The following RAB27B variants were observed in gnomAD, a reference collection of about 807,000 sequenced individuals.
RAB27B encodes ras-related protein Rab-27B.
In RAB27B, 15 loss-of-function variants were observed where a neutral mutation model predicts 24.6. That is an observed-to-expected ratio of 0.61 (90% CI 0.41 to 0.94). The LOEUF (loss-of-function observed/expected upper bound fraction) is 0.94. RAB27B is among the 40% of genes least tolerant of loss of function. RAB27B has a pLI of 0.00. For missense variants in RAB27B, 261 were observed against 266.8 expected (o/e 0.98, Z 0.15); for synonymous variants, 105 against 92.5 (o/e 1.14, Z -0.78).
At chr18:54,805,026 A>T in intron 2 of RAB27B, among the ~76,000 whole-genome samples, 1 of 135,014 alleles carries the variant, frequency 7.4e-6, no homozygotes, top group Non-Finnish European at 1.6e-5. Context: ...TTAATTTTTG[A>T]CTGCTCTCCA....
intron 2 of RAB27B, among the ~76,000 whole-genome samples, chr18:54,799,013 A>G (rs948486659): frequency 6.6e-6 from 1 of 152,210 alleles, no homozygotes; most frequent in Admixed American, 6.5e-5. Context: ...CTTTTATTCA[A>G]ATTTTCTGGC....
chr18:54,881,693 G>C (rs1912930621), intron 3 of RAB27B, among the ~76,000 whole-genome samples: 1 of 152,160 alleles, frequency 6.6e-6, no homozygotes, highest in Admixed American at 6.5e-5. Flanking sequence ...GGGTGGGGGA[G>C]GCTGGAAATG....
intron 1 of RAB27B, among the ~76,000 whole-genome samples, chr18:54,857,227 C>G (rs1911819752): frequency 6.6e-6 from 1 of 152,152 alleles, no homozygotes; most frequent in Non-Finnish European, 1.5e-5. Context: ...ATTCATTTAA[C>G]AAGTCTAATG....
chr18:54,797,294 G>T (rs1909455041), intron 2 of RAB27B, among the ~76,000 whole-genome samples: 1 of 152,190 alleles, frequency 6.6e-6, no homozygotes. Context: ...GTGAGGCCGA[G>T]GTGGGTGGCT....
chr18:54,824,029 T>C (rs1910394593), upstream of RAB27B, among the ~76,000 whole-genome samples: 1 of 152,182 alleles, frequency 6.6e-6, no homozygotes, highest in Admixed American at 6.5e-5. Flanking sequence ...TATTTCTTTA[T>C]TTAGCAACTT....
At chr18:54,739,225 CG>C (rs1311334449) in intron 2 of RAB27B, among the ~76,000 whole-genome samples, 2 of 151,942 alleles carry the variant, frequency 1.3e-5, no homozygotes, top group African/African-American at 4.8e-5. Context: ...GAGGCTGAAG[CG>C]GGTGGATCAC....
chr18:54,728,421 G>A (rs1417557750), intron 2 of RAB27B, among the ~76,000 whole-genome samples: 1 of 152,180 alleles, frequency 6.6e-6, no homozygotes, highest in African/African-American at 2.4e-5. Flanking sequence ...GAAGCCCATG[G>A]TAACTGTCAG....
At chr18:54,728,903 C>A (rs201629658) in intron 2 of RAB27B, among the ~76,000 whole-genome samples, 5,055 of 68,196 alleles carry the variant, frequency 0.074, 20 homozygotes, top group African/African-American at 0.081. Context: ...AAAAAAAACC[C>A]AAAAAAAAAA....
At chr18:54,769,612 A>G (rs1816379508) in intron 2 of RAB27B, among the ~76,000 whole-genome samples, 1 of 152,100 alleles carries the variant, frequency 6.6e-6, no homozygotes, top group African/African-American at 2.4e-5. Flanking sequence ...TGTTTACACT[A>G]TTAGGGTTTC....
At chr18:54,843,432 T>G (rs906314025) in intron 1 of RAB27B, among the ~76,000 whole-genome samples, 6 of 152,194 alleles carry the variant, frequency 3.9e-5, no homozygotes, top group Non-Finnish European at 2.9e-5. Flanking sequence ...GCAAAGAGAA[T>G]TTACACTTGA....
At chr18:54,835,869 T>G (rs2006985) in intron 1 of RAB27B, among the ~76,000 whole-genome samples, 38,592 of 151,850 alleles carry the variant, frequency 0.25, 5,537 homozygotes, top group African/African-American at 0.34. Flanking sequence ...TTTTTTCACT[T>G]ACCTACTAGG....
At chr18:54,820,135 G>A (rs1412554418) in intron 2 of RAB27B, among the ~76,000 whole-genome samples, 7 of 152,058 alleles carry the variant, frequency 4.6e-5, no homozygotes, top group Admixed American at 1.3e-4. Flanking sequence ...GTATATACCC[G>A]GTAATGGGAT....
intron 2 of RAB27B, among the ~76,000 whole-genome samples, chr18:54,878,681 C>T (rs1337822559): frequency 6.6e-6 from 1 of 151,980 alleles, no homozygotes; most frequent in Non-Finnish European, 1.5e-5. Flanking sequence ...AACGTATTCA[C>T]TAAACTATAC....
intron 2 of RAB27B, among the ~76,000 whole-genome samples, chr18:54,817,139 A>T (rs1221357926): frequency 6.6e-6 from 1 of 152,206 alleles, no homozygotes; most frequent in Admixed American, 6.5e-5. Flanking sequence ...TTCCTTGCTA[A>T]GGATGTGAAG....
chr18:54,866,058 T>C (rs990827274), intron 1 of RAB27B, among the ~76,000 whole-genome samples: 1 of 152,144 alleles, frequency 6.6e-6, no homozygotes, highest in South Asian at 2.1e-4. Flanking sequence ...ATTATCAACA[T>C]TCTGGAAAGT....
At chr18:54,718,904 G>A (rs2144967004) in intron 2 of RAB27B, among the ~76,000 whole-genome samples, 2 of 152,252 alleles carry the variant, frequency 1.3e-5, no homozygotes, top group East Asian at 3.9e-4. Context: ...ATACTTTAAA[G>A]CCTTCCCAAA....
At chr18:54,888,397 T>A (rs1403016787) in intron 5 of RAB27B, among the ~76,000 whole-genome samples, 1 of 152,108 alleles carries the variant, frequency 6.6e-6, no homozygotes, top group Non-Finnish European at 1.5e-5. Context: ...TATATAAGAA[T>A]TGAGTCACAG....
chr18:54,868,319 A>G (rs974926045), intron 1 of RAB27B, among the ~76,000 whole-genome samples: 5 of 152,046 alleles, frequency 3.3e-5, no homozygotes, highest in African/African-American at 9.7e-5. Flanking sequence ...TTGCCATATG[A>G]TGTACCTGCT....
intron 1 of RAB27B, among the ~76,000 whole-genome samples, chr18:54,848,805 G>A (rs1911441157): frequency 6.6e-6 from 1 of 152,056 alleles, no homozygotes; most frequent in African/African-American, 2.4e-5. Flanking sequence ...TTCCCAGGGA[G>A]CTAAAAGTAA....
Sources: allele counts gnomAD v4.1 joint callset (sites outside exome capture counted in the v4.1 genomes callset), GRCh38; gene constraint gnomAD v4.1.1; transcripts MANE v1.5; gene names NCBI Gene and HGNC (gene_info 2026-07-23, HGNC 2026-07-21).